BAZ1B: variants seen among roughly 807,000 people sequenced by gnomAD.
The protein encoded by BAZ1B is bromodomain adjacent to zinc finger domain 1B.
Under a neutral mutation model 153.8 loss-of-function variants are expected in BAZ1B, and 22 were observed. The ratio of observed to expected loss-of-function variants is 0.14; its 90% CI spans 0.10 to 0.20. The LOEUF (loss-of-function observed/expected upper bound fraction) is 0.20, where lower values mean the gene tolerates loss of function less well. BAZ1B is among the 10% of genes least tolerant of loss of function. The pLI, the probability that BAZ1B is intolerant of heterozygous loss-of-function variation, is 1.00. For missense variants in BAZ1B, 1,325 were observed against 1,799.3 expected (o/e 0.74, Z 4.77); for synonymous variants, 676 against 633.4 (o/e 1.07, Z -1.01).
At chr7:73,476,764 C>G (rs1554572833) in intron 7 of BAZ1B, 104 bp downstream of exon 7, 1 of 1,496,766 alleles carries the variant, frequency 6.7e-7, no homozygotes, top group Non-Finnish European at 8.9e-7. Flanking sequence ...TTATTACATA[C>G]AGAAATAAGT....
chr7:73,440,698 G>A lies in BAZ1B; in HGVS notation c.*1011C>T, dbSNP rs189639898. The A allele has an allele frequency of 2.6e-5, 4 of 152,498 alleles. No individual in the cohort carries two copies. Among genetic ancestry groups the A allele is most frequent in the South Asian group, 2.1e-4 (1 of 4,818 alleles). The allele number at this position is 152,498 out of a possible 1,614,324, so 9.4% of individuals were successfully genotyped here. ...ACCCAGCAGCCCTGGAGCAATCCTC[G>A]TCGTCCTTGGGCAGGAGGACGGAGG... On this transcript the variant is annotated 3_prime_UTR_variant, in exon 20 of 20. Coordinates refer to ENST00000339594, the MANE Select transcript of BAZ1B (RefSeq NM_032408.4).
At chr7:73,490,668 C>A (rs1338067325) in intron 5 of BAZ1B, among the ~76,000 whole-genome samples, 1 of 151,340 alleles carries the variant, frequency 6.6e-6, no homozygotes, top group East Asian at 2.0e-4. Flanking sequence ...AGCAATGGCG[C>A]AATCTCTGCT....
chr7:73,472,523 G>A (rs1554572147), intron 7 of BAZ1B, among the ~76,000 whole-genome samples: 1 of 152,180 alleles, frequency 6.6e-6, no homozygotes, highest in Non-Finnish European at 1.5e-5. Context: ...CTCCCCAAGT[G>A]CTGGGATTGT....
chr7:73,457,936 C>T (rs1788262170), intron 13 of BAZ1B, among the ~76,000 whole-genome samples: 1 of 152,206 alleles, frequency 6.6e-6, no homozygotes, highest in African/African-American at 2.4e-5. Flanking sequence ...CGCCACCTTC[C>T]TTGTTCCACA....
intron 11 of BAZ1B, 119 bp from the exon 12 acceptor site, chr7:73,463,218 C>T: frequency 1.1e-6 from 1 of 925,394 alleles, no homozygotes. Flanking sequence ...TTTCACCTCT[C>T]CCTGGTGTTT....
rs544373446 is a variant in BAZ1B at position 73,505,743 on chromosome 7, G to A, written c.369+2584C>T. The stretch of plus-strand genomic sequence containing the variant: ...TTTTTGTATTTTTTGGAGAGATAGG[G>A]TATCGCCATGTTGGCCAGGCTGGTC... On this transcript the variant is annotated intron_variant, in intron 3 of 19. Transcript: ENST00000339594. Among the ~76,000 whole-genome samples the A allele has an allele frequency of 3.3e-5, 5 of 152,280 alleles. No individual in the cohort carries two copies. The East Asian group carries it at 9.6e-4, about 29-fold the overall frequency.
At chr7:73,460,972 T>C (rs1788374538) in intron 12 of BAZ1B, among the ~76,000 whole-genome samples, 1 of 151,960 alleles carries the variant, frequency 6.6e-6, no homozygotes, top group Non-Finnish European at 1.5e-5. Context: ...TTTTTTTGGT[T>C]TTTTGTTGTT....
chr7:73,460,846 T>A (rs1462897401), intron 12 of BAZ1B, among the ~76,000 whole-genome samples: 1 of 151,622 alleles, frequency 6.6e-6, no homozygotes, highest in Non-Finnish European at 1.5e-5. Flanking sequence ...ATGCCAGTAG[T>A]CCCAGCTACT....
intron 13 of BAZ1B, among the ~76,000 whole-genome samples, chr7:73,456,916 T>C (rs1357692069): frequency 9.1e-6 from 1 of 110,488 alleles, no homozygotes; most frequent in Non-Finnish European, 1.7e-5. Flanking sequence ...TACTCCGGCC[T>C]CGGCGACAGA....
rs571408161 is a variant in BAZ1B at position 73,475,855 on chromosome 7, C to T, written c.2593+1013G>A. On this transcript the variant is annotated intron_variant, in intron 7 of 19. Coordinates refer to ENST00000339594, the MANE Select transcript of BAZ1B (RefSeq NM_032408.4). ...AGGAGAATCGCTTGAATCCAGAAGG[C>T]GGAGGTTGCAGTGAGCCAAGATCAA... Among the ~76,000 whole-genome samples the T allele has an allele frequency of 5.5e-5, 8 of 144,546 alleles. No individual in the cohort carries two copies. The South Asian group carries it at 1.3e-3, about 24-fold the overall frequency. The allele number at this position is 144,546 out of a possible 152,430, so 94.8% of individuals were successfully genotyped here. A position where few individuals can be genotyped will look rare whatever the true frequency, so the allele number is the denominator to read the frequency against.
rs1554567650 is a variant in BAZ1B, at chr7:73,449,589, C to T, written c.3681G>A (p.Gln1227=). ...CAGTAGCGGGCTGGCAAGCTGGGCA[C>T]TGCCACTCACCATCTGGTACTTCAT... is the stretch of plus-strand genomic sequence containing the variant. ...ALYEVPDGEW[Q]CPACQPATAR... Residue 1227 remains glutamine, a synonymous_variant, in exon 15 of 20, where the codon CAG becomes CAA. Coordinates refer to ENST00000339594, the MANE Select transcript of BAZ1B (RefSeq NM_032408.4). The T allele has an allele frequency of 4.3e-6, 7 of 1,614,148 alleles. No homozygotes were observed. Among genetic ancestry groups the T allele is most frequent in the Admixed American group, 1.7e-5 (1 of 60,006 alleles).
intron 17 of BAZ1B, 58 bp downstream of exon 17, chr7:73,443,926 G>A: frequency 1.9e-6 from 3 of 1,606,978 alleles, no homozygotes; most frequent in Non-Finnish European, 2.5e-6. Context: ...ATTCCTAATT[G>A]CTGGGGTAGG....
rs1681204419 is a variant in BAZ1B at position 73,470,475 on chromosome 7, C to G, written c.2602G>C (p.Glu868Gln). The G allele has an allele frequency of 1.2e-6, 2 of 1,611,850 alleles. No individual in the cohort carries two copies. Among genetic ancestry groups the G allele is most frequent in the Non-Finnish European group, 1.7e-6 (2 of 1,179,432 alleles). The change falls in exon 8 of 20, where the codon GAA (glutamate) becomes CAA (glutamine). Residue 868 changes from glutamate (E) to glutamine (Q), a missense_variant. Transcript: ENST00000339594. ...ATTCGTTCTTCTTCAGCTTGGCGTT[C>G]CAGTTTCACTGTTAAAAATAAAAAG... ...IQEREMKVKL[E>Q]RQAEEERIRK... is the part of the protein sequence containing the mutation.
intron 7 of BAZ1B, among the ~76,000 whole-genome samples, chr7:73,471,611 A>G (rs1305769475): frequency 6.6e-6 from 1 of 152,176 alleles, no homozygotes; most frequent in Non-Finnish European, 1.5e-5. Flanking sequence ...CGGCCTCTCA[A>G]AATGCTGGGA....
At chr7:73,445,185 G>C (rs1181148427) in intron 16 of BAZ1B, among the ~76,000 whole-genome samples, 1 of 152,176 alleles carries the variant, frequency 6.6e-6, no homozygotes, top group African/African-American at 2.4e-5. Flanking sequence ...CCCTTGGGGA[G>C]TGGGGAGATG....
chr7:73,442,136 T>TACCCC, intron 19 of BAZ1B, 45 bp downstream of exon 19: 4 of 573,490 alleles, frequency 7.0e-6, no homozygotes, highest in Non-Finnish European at 1.3e-5. Context: ...CTCGCTCGCC[T>TACCCC]CCCTCCCACC....
At chr7:73,470,653 C>G (rs1238624544) in intron 7 of BAZ1B, among the ~76,000 whole-genome samples, 170 bp from the exon 8 acceptor site, 1 of 152,200 alleles carries the variant, frequency 6.6e-6, no homozygotes. Flanking sequence ...GCAGCAACAT[C>G]TAGTCCTCCT....
intron 1 of BAZ1B, among the ~76,000 whole-genome samples, chr7:73,517,106 C>T (rs910432372): frequency 1.3e-5 from 2 of 150,808 alleles, no homozygotes; most frequent in East Asian, 2.0e-4. Context: ...TTGCTTGAAC[C>T]CAGGAGGCGG....
chr7:73,461,069 G>A (rs782494866), intron 12 of BAZ1B, among the ~76,000 whole-genome samples: 7 of 151,858 alleles, frequency 4.6e-5, no homozygotes, highest in African/African-American at 9.7e-5. Flanking sequence ...TCCGCCTCCC[G>A]GGTTTAAGCG....
Sources: allele counts gnomAD v4.1 joint callset (sites outside exome capture counted in the v4.1 genomes callset), GRCh38; gene constraint gnomAD v4.1.1; transcripts MANE v1.5; gene names NCBI Gene and HGNC (gene_info 2026-07-23, HGNC 2026-07-21).